Variants in NCALD observed in about 807,000 individuals in gnomAD.
NCALD encodes neurocalcin delta.
Under a neutral mutation model 18.6 loss-of-function variants are expected in NCALD, and 10 were observed. The ratio of observed to expected loss-of-function variants is 0.54; its 90% CI spans 0.33 to 0.91. NCALD has a LOEUF of 0.91. NCALD is among the 40% of genes least tolerant of loss of function. The pLI, the probability that NCALD is intolerant of heterozygous loss-of-function variation, is 0.03. For synonymous variants in NCALD, 88 were observed against 87.4 expected (o/e 1.01, Z -0.04); for missense variants, 184 against 247.6 (o/e 0.74, Z 1.72).
intron 2 of NCALD, among the ~76,000 whole-genome samples, chr8:101,925,572 A>G (rs1818308605): frequency 6.6e-6 from 1 of 152,036 alleles, no homozygotes; most frequent in African/African-American, 2.4e-5. Flanking sequence ...TTATTTATTT[A>G]TTTATGGCTG....
At chr8:101,781,227 A>G (rs1812000470) in intron 1 of NCALD, among the ~76,000 whole-genome samples, 1 of 152,066 alleles carries the variant, frequency 6.6e-6, no homozygotes, top group African/African-American at 2.4e-5. Context: ...TGCTTTAACT[A>G]CCCCTGGCAG....
chr8:101,715,167 T>G (rs1279959282), intron 2 of NCALD, among the ~76,000 whole-genome samples: 2 of 151,936 alleles, frequency 1.3e-5, no homozygotes, highest in Non-Finnish European at 2.9e-5. Flanking sequence ...GCCTCAAAAA[T>G]AACACCACAC....
chr8:101,862,754 G>T (rs1014108219), intron 4 of NCALD, among the ~76,000 whole-genome samples: 1 of 152,136 alleles, frequency 6.6e-6, no homozygotes, highest in African/African-American at 2.4e-5. Context: ...GTCAATGTTA[G>T]GTCACATGCC....
In NCALD at chr8:101,689,004, C is replaced by G. The variant is rs1232661033; in HGVS notation, c.*305G>C. The G allele has an allele frequency of 4.3e-6, 3 of 691,412 alleles. No individual in the cohort carries two copies. In the East Asian group the frequency reaches 8.1e-5, roughly 19 times the overall value. 42.8% of individuals were successfully genotyped at this position (691,412 alleles called of 1,614,324 possible). On this transcript the variant is annotated 3_prime_UTR_variant, in exon 4 of 4. Transcript: ENST00000220931. This position sits in a 1 kb window ranked among gnomAD's most constrained non-coding sequence, Gnocchi z 4.4. ...GTTTCCCTTCTTTTGCCCCAACCCC[C>G]GAGTCTTACGTTTTAGAACAGAGAC...
intron 2 of NCALD, among the ~76,000 whole-genome samples, chr8:102,004,721 T>C (rs371951370): frequency 5.3e-5 from 8 of 151,946 alleles, no homozygotes; most frequent in African/African-American, 1.7e-4. Flanking sequence ...TCAGAAATAA[T>C]GCCACATATC....
intron 1 of NCALD, among the ~76,000 whole-genome samples, chr8:101,747,929 G>T (rs1810495344): frequency 1.3e-5 from 2 of 152,088 alleles, no homozygotes; most frequent in Non-Finnish European, 2.9e-5. Context: ...TGTTGGCCAG[G>T]CTGGTCTCGA....
intron 4 of NCALD, among the ~76,000 whole-genome samples, chr8:101,804,347 T>G (rs1228797217): frequency 7.7e-6 from 1 of 129,116 alleles, no homozygotes; most frequent in Non-Finnish European, 1.6e-5. Flanking sequence ...AATTATATAT[T>G]ATATATAATT....
chr8:101,830,666 C>T (rs1814142306), intron 4 of NCALD, among the ~76,000 whole-genome samples: 2 of 152,062 alleles, frequency 1.3e-5, no homozygotes, highest in Non-Finnish European at 2.9e-5. Flanking sequence ...AAGTGTGGGG[C>T]TCCACTGCCT....
intron 4 of NCALD, among the ~76,000 whole-genome samples, chr8:101,868,023 C>T (rs1320480063): frequency 2.6e-5 from 4 of 152,084 alleles, no homozygotes; most frequent in African/African-American, 9.7e-5. Flanking sequence ...TTTAGTTTTG[C>T]TAAGATGTAG....
intron 2 of NCALD, among the ~76,000 whole-genome samples, chr8:101,940,557 G>A (rs1215145876): frequency 6.6e-6 from 1 of 152,190 alleles, no homozygotes; most frequent in Non-Finnish European, 1.5e-5. Flanking sequence ...TCTTCAGTGT[G>A]ATGGCTTTTT....
chr8:101,857,892 T>C (rs1815383394), intron 4 of NCALD, among the ~76,000 whole-genome samples: 1 of 152,192 alleles, frequency 6.6e-6, no homozygotes, highest in Non-Finnish European at 1.5e-5. Flanking sequence ...ACCATAGCAA[T>C]GAGATATAAA....
intron 1 of NCALD, among the ~76,000 whole-genome samples, chr8:102,062,103 T>C (rs1587001466): frequency 1.3e-5 from 2 of 152,328 alleles, no homozygotes; most frequent in South Asian, 4.1e-4. Flanking sequence ...ATGTTTCACT[T>C]TTCAAAAATG....
intron 2 of NCALD, among the ~76,000 whole-genome samples, chr8:101,955,222 C>T (rs1819578182): frequency 6.6e-6 from 1 of 152,124 alleles, no homozygotes; most frequent in Non-Finnish European, 1.5e-5. Flanking sequence ...ACAATAAGTC[C>T]CTAGACCTAG....
chr8:101,817,608 A>T (rs1388726584), intron 4 of NCALD, among the ~76,000 whole-genome samples: 1 of 152,080 alleles, frequency 6.6e-6, no homozygotes, highest in Non-Finnish European at 1.5e-5. Context: ...GAATTGATAG[A>T]TACATTTTAC....
intron 1 of NCALD, among the ~76,000 whole-genome samples, chr8:101,772,608 A>C (rs1811630412): frequency 6.6e-6 from 1 of 152,192 alleles, no homozygotes; most frequent in Non-Finnish European, 1.5e-5. Context: ...ACTTGGCTCC[A>C]TAATTTCAGG....
At chr8:101,697,729 C>T (rs1485267999) in intron 2 of NCALD, among the ~76,000 whole-genome samples, 1 of 151,934 alleles carries the variant, frequency 6.6e-6, no homozygotes, top group Non-Finnish European at 1.5e-5. Context: ...TCAGAAAAGG[C>T]CTTTGATAAA....
chr8:101,788,258 G>T (rs777517468), intron 1 of NCALD, among the ~76,000 whole-genome samples: 2 of 152,170 alleles, frequency 1.3e-5, no homozygotes, highest in Non-Finnish European at 2.9e-5. Context: ...TGACTCAGGG[G>T]TGGATAAAAT....
chr8:102,044,739 T>A (rs1439940961), intron 1 of NCALD, among the ~76,000 whole-genome samples: 2 of 152,234 alleles, frequency 1.3e-5, no homozygotes, highest in African/African-American at 2.4e-5. Context: ...CTGGATGATC[T>A]TGTTTGTGCC....
intron 4 of NCALD, among the ~76,000 whole-genome samples, chr8:101,828,975 GGGTA>G (rs1814060513): frequency 6.6e-6 from 1 of 151,930 alleles, no homozygotes; most frequent in African/African-American, 2.4e-5. Context: ...GGTGGTGGGT[GGGTA>G]GGTGAATGAA....
Sources: allele counts gnomAD v4.1 joint callset (sites outside exome capture counted in the v4.1 genomes callset), GRCh38; gene constraint gnomAD v4.1.1; non-coding constraint Gnocchi (gnomAD v3.1); transcripts MANE v1.5; gene names NCBI Gene and HGNC (gene_info 2026-07-23, HGNC 2026-07-21).